Variants in LRBA observed in about 807,000 individuals in gnomAD.
LRBA encodes the protein LPS responsive beige-like anchor protein.
In LRBA, 176 loss-of-function variants were observed where a neutral mutation model predicts 330.0. The ratio of observed to expected loss-of-function variants is 0.53; its 90% CI spans 0.47 to 0.60. The LOEUF is 0.60. LRBA is among the 20% of genes least tolerant of loss of function. The pLI, the probability that LRBA is intolerant of heterozygous loss-of-function variation, is 0.00. For synonymous variants in LRBA, 1,230 were observed against 1,193.0 expected (o/e 1.03, Z -0.64); for missense variants, 3,259 against 3,444.8 (o/e 0.95, Z 1.35).
Position 150,671,041 on chromosome 4 carries a change from TGA to T in LRBA, c.5921+12508_5921+12509del, listed in dbSNP as rs369417809. Among the ~76,000 whole-genome samples the T allele has an allele frequency of 7.0e-3, 996 of 142,658 alleles. 6 individuals are homozygous for T. The highest frequency in any genetic ancestry group is 0.011 in the South Asian group (48 of 4,450). The allele number at this position is 142,658 out of a possible 152,430, so 93.6% of individuals were successfully genotyped here. A position where few individuals can be genotyped will look rare whatever the true frequency, so the allele number is the denominator to read the frequency against. On this transcript the variant is annotated intron_variant, in intron 37 of 56. Coordinates refer to ENST00000651943, the MANE Select transcript of LRBA (RefSeq NM_001364905.1). ...GTGTGTGTGTGTGTGTGTGTGTGTG[TGA>T]GAGAGAGAGAGAGAGAGAGACAGAG...
intron 40 of LRBA, among the ~76,000 whole-genome samples, chr4:150,559,858 T>TAA (rs1354140089): frequency 1.3e-4 from 3 of 23,518 alleles, no homozygotes; most frequent in African/African-American, 2.3e-4. Context: ...TAATATATAA[T>TAA]TATATATAAT....
At chr4:150,974,875 A>C (rs548584867) in intron 2 of LRBA, among the ~76,000 whole-genome samples, 25 of 151,250 alleles carry the variant, frequency 1.7e-4, no homozygotes, top group African/African-American at 3.9e-4. Context: ...GGACAAACCC[A>C]AAAAAAAAGC....
At chr4:150,471,801 A>G in intron 42 of LRBA, 62 bp from the exon 43 acceptor site, 1 of 811,470 alleles carries the variant, frequency 1.2e-6, no homozygotes, top group East Asian at 2.5e-5. Flanking sequence ...ATCATGAATT[A>G]TCTGTGCTTA....
At chr4:150,976,595 G>T (rs1374671529) in intron 2 of LRBA, among the ~76,000 whole-genome samples, 3 of 152,062 alleles carry the variant, frequency 2.0e-5, no homozygotes, top group Non-Finnish European at 4.4e-5. Flanking sequence ...GAGAAAGATG[G>T]CCAAATACAA....
chr4:150,850,273 T>G (rs746531467), intron 24 of LRBA, among the ~76,000 whole-genome samples: 7 of 151,966 alleles, frequency 4.6e-5, no homozygotes, highest in Non-Finnish European at 1.0e-4. Context: ...TTTTTGTATT[T>G]TTAGTAGAGA....
Position 150,761,110 on chromosome 4 carries a change from G to A in LRBA, c.5645+673C>T, listed in dbSNP as rs148191860. ...GTCACATCTTTTAATCTATACTCTG[G>A]GTCTTCAGTTCCATTAATGCAAAAT... On this transcript the variant is annotated intron_variant, in intron 35 of 56. Coordinates refer to ENST00000651943, the MANE Select transcript of LRBA (RefSeq NM_001364905.1). Among the ~76,000 whole-genome samples, 540 of 151,878 alleles carry A rather than the reference G, an allele frequency of 3.6e-3. 3 individuals are homozygous for A. The highest frequency in any genetic ancestry group is 5.4e-3 in the Non-Finnish European group (370 of 67,904).
At chr4:150,610,545 C>T (rs988150045) in intron 37 of LRBA, among the ~76,000 whole-genome samples, 3 of 152,154 alleles carry the variant, frequency 2.0e-5, no homozygotes, top group South Asian at 2.1e-4. Flanking sequence ...GCTGAGATTA[C>T]ACCACTGCAC....
chr4:150,793,010 G>A (rs976376810), intron 34 of LRBA, among the ~76,000 whole-genome samples: 3 of 152,110 alleles, frequency 2.0e-5, no homozygotes, highest in Non-Finnish European at 4.4e-5. Flanking sequence ...AACCCAGGAG[G>A]CGGAGGTTGC....
chr4:150,681,247 C>A (rs538426124), intron 37 of LRBA, among the ~76,000 whole-genome samples: 59 of 152,292 alleles, frequency 3.9e-4, no homozygotes, highest in African/African-American at 1.4e-3. Context: ...GAACAAAGTA[C>A]ACTGTGTTAT....
At chr4:150,729,092 G>A (rs1730091989) in intron 36 of LRBA, among the ~76,000 whole-genome samples, 1 of 152,266 alleles carries the variant, frequency 6.6e-6, no homozygotes, top group East Asian at 1.9e-4. Flanking sequence ...AGATAAGGAG[G>A]TGGACTGCTT....
intron 47 of LRBA, among the ~76,000 whole-genome samples, chr4:150,390,761 C>T (rs562924737): frequency 1.4e-4 from 22 of 151,992 alleles, no homozygotes; most frequent in Middle Eastern, 6.8e-3. Flanking sequence ...TGAGTGATAC[C>T]AGGAGAGGAA....
intron 2 of LRBA, among the ~76,000 whole-genome samples, chr4:150,998,510 C>T (rs920086221): frequency 1.3e-5 from 2 of 152,012 alleles, no homozygotes; most frequent in African/African-American, 2.4e-5. Flanking sequence ...CACACTACCA[C>T]GTAGACCTGA....
chr4:150,325,558 T>C (rs1733133092), intron 49 of LRBA, among the ~76,000 whole-genome samples: 1 of 152,176 alleles, frequency 6.6e-6, no homozygotes, highest in Non-Finnish European at 1.5e-5. Context: ...ATGACAATTA[T>C]GGACCTTTCA....
chr4:150,484,659 T>C (rs904035403), intron 42 of LRBA, among the ~76,000 whole-genome samples: 1 of 151,856 alleles, frequency 6.6e-6, no homozygotes, highest in Non-Finnish European at 1.5e-5. Flanking sequence ...TCAGCTTACT[T>C]TGACTACATG....
chr4:150,980,071 C>G (rs1374300317), intron 2 of LRBA, among the ~76,000 whole-genome samples: 1 of 152,084 alleles, frequency 6.6e-6, no homozygotes, highest in East Asian at 1.9e-4. Context: ...AAATCCTCAA[C>G]AAAATACTAT....
intron 40 of LRBA, 128 bp downstream of exon 40, chr4:150,587,920 A>T: frequency 1.1e-6 from 1 of 923,094 alleles, no homozygotes; most frequent in Non-Finnish European, 1.6e-6. Flanking sequence ...AGATAATGAC[A>T]TTGCATATAA....
intron 2 of LRBA, among the ~76,000 whole-genome samples, chr4:150,991,307 A>C (rs778821775): frequency 1.8e-4 from 28 of 152,212 alleles, no homozygotes; most frequent in Non-Finnish European, 2.8e-4. Flanking sequence ...AGTTCTTATG[A>C]AGTTAAACAT....
intron 34 of LRBA, among the ~76,000 whole-genome samples, chr4:150,791,178 T>A (rs1415934536): frequency 1.3e-5 from 2 of 152,210 alleles, no homozygotes; most frequent in Non-Finnish European, 2.9e-5. Context: ...GGTCTCAAAC[T>A]CCTGGCCTCA....
chr4:150,301,469 G>A (rs150763084), intron 53 of LRBA, among the ~76,000 whole-genome samples: 13 of 151,940 alleles, frequency 8.6e-5, no homozygotes, highest in East Asian at 3.9e-4. Context: ...TCTATTAGAC[G>A]TTCATTGAAT....
Sources: allele counts gnomAD v4.1 joint callset (sites outside exome capture counted in the v4.1 genomes callset), GRCh38; gene constraint gnomAD v4.1.1; transcripts MANE v1.5; gene names NCBI Gene and HGNC (gene_info 2026-07-23, HGNC 2026-07-21).